The following CTNNA3 variants were observed in gnomAD, a reference collection of about 807,000 sequenced individuals.
CTNNA3 encodes catenin alpha-3.
CTNNA3 carries 76 observed loss-of-function variants against 95.7 expected under a neutral mutation model. That is an observed-to-expected ratio of 0.79 (90% CI 0.66 to 0.96). CTNNA3 has a LOEUF of 0.96. CTNNA3 is among the 40% of genes least tolerant of loss of function. The pLI, the probability that CTNNA3 is intolerant of heterozygous loss-of-function variation, is 0.00. For missense variants in CTNNA3, 1,191 were observed against 1,089.8 expected, an observed-to-expected ratio of 1.09 and a Z score of -1.31; for synonymous variants, 431 against 374.4, an observed-to-expected ratio of 1.15 and a Z score of -1.74.
chr10:65,987,287 A>G (rs1253914743), intron 16 of CTNNA3, among the ~76,000 whole-genome samples: 1 of 151,814 alleles, frequency 6.6e-6, no homozygotes, highest in East Asian at 1.9e-4. Context: ...ATATTTTCAT[A>G]CTATTTGACA....
intron 7 of CTNNA3, among the ~76,000 whole-genome samples, chr10:66,971,462 G>T (rs1589520132): frequency 1.3e-5 from 2 of 152,026 alleles, no homozygotes. Flanking sequence ...CATAAACAGT[G>T]TTAGAATAAG....
chr10:65,941,099 C>G (rs943445342), intron 17 of CTNNA3, among the ~76,000 whole-genome samples: 1 of 152,278 alleles, frequency 6.6e-6, no homozygotes, highest in South Asian at 2.1e-4. Flanking sequence ...AGTTCAAATG[C>G]ACAGTAAGCA....
chr10:67,151,924 T>C (rs144876104), intron 7 of CTNNA3, among the ~76,000 whole-genome samples: 2 of 152,352 alleles, frequency 1.3e-5, no homozygotes, highest in East Asian at 3.9e-4. Flanking sequence ...CCCTTTCTGT[T>C]GTTCCTTTCT....
chr10:66,911,314 G>T (rs1472763863), intron 7 of CTNNA3, among the ~76,000 whole-genome samples: 1 of 152,156 alleles, frequency 6.6e-6, no homozygotes, highest in Non-Finnish European at 1.5e-5. Context: ...CCCAATATTA[G>T]TAAGGATTAC....
intron 5 of CTNNA3, among the ~76,000 whole-genome samples, chr10:67,405,605 T>C (rs377682896): frequency 1.1e-4 from 16 of 152,250 alleles, no homozygotes; most frequent in African/African-American, 3.6e-4. Flanking sequence ...TGGGAGACTT[T>C]AAAACCCCAT....
In CTNNA3 at chr10:66,500,652, G is replaced by C. The variant is rs180832583; in HGVS notation, c.1531+19965C>G. Among the ~76,000 whole-genome samples the C allele has an allele frequency of 0.013, 1,965 of 152,178 alleles. 165 individuals carry two copies. In the East Asian group the frequency reaches 0.23, roughly 18 times the overall value. The stretch of plus-strand genomic sequence containing the variant: ...CAAGACAGTGAATGCATATTTGCAA[G>C]TAAATATTAAATCATGGCATGGGAA... On this transcript the variant is annotated intron_variant, in intron 11 of 17. Transcript: ENST00000433211.
intron 6 of CTNNA3, among the ~76,000 whole-genome samples, chr10:67,197,545 G>T (rs1043419111): frequency 1.3e-5 from 2 of 152,014 alleles, no homozygotes; most frequent in Non-Finnish European, 2.9e-5. Context: ...AATGATGAGT[G>T]TGAAAATGAC....
chr10:67,648,892 G>A, intron 1 of CTNNA3: 1 of 860,518 alleles, frequency 1.2e-6, no homozygotes, highest in Non-Finnish European at 1.6e-6. Flanking sequence ...TGCATTTCTA[G>A]AACTGAAATG....
intron 5 of CTNNA3, among the ~76,000 whole-genome samples, chr10:67,374,765 A>G (rs989976187): frequency 2.0e-5 from 3 of 152,210 alleles, no homozygotes; most frequent in Non-Finnish European, 4.4e-5. Context: ...AGAGGGCCTC[A>G]GGGAGAAGAA....
intron 16 of CTNNA3, among the ~76,000 whole-genome samples, chr10:65,972,816 G>A (rs1430679789): frequency 1.3e-5 from 2 of 149,902 alleles, no homozygotes; most frequent in South Asian, 2.1e-4. Flanking sequence ...AGCAACCAAC[G>A]TCATTTTTCA....
At chr10:66,296,084 A>T (rs2091773159) in intron 12 of CTNNA3, among the ~76,000 whole-genome samples, 1 of 152,112 alleles carries the variant, frequency 6.6e-6, no homozygotes, top group Non-Finnish European at 1.5e-5. Flanking sequence ...ATTTTTTTAC[A>T]CTTTCTATTT....
chr10:67,432,303 T>C (rs1169047681), intron 5 of CTNNA3, among the ~76,000 whole-genome samples: 1 of 152,072 alleles, frequency 6.6e-6, no homozygotes, highest in African/African-American at 2.4e-5. Context: ...CATATATGTT[T>C]CTGCTAAAAA....
chr10:67,402,954 T>A (rs1844980115), intron 5 of CTNNA3, among the ~76,000 whole-genome samples: 1 of 152,194 alleles, frequency 6.6e-6, no homozygotes, highest in East Asian at 1.9e-4. Context: ...GTGGGCCCCA[T>A]TTCCAAGGCA....
intron 1 of CTNNA3, among the ~76,000 whole-genome samples, chr10:67,662,753 G>A (rs940782827): frequency 6.6e-6 from 1 of 152,100 alleles, no homozygotes; most frequent in Non-Finnish European, 1.5e-5. Flanking sequence ...AGCATGTTGG[G>A]GATATTCTAT....
At chr10:66,965,259 CG>C (rs1371193103) in intron 7 of CTNNA3, among the ~76,000 whole-genome samples, 1 of 151,704 alleles carries the variant, frequency 6.6e-6, no homozygotes, top group East Asian at 1.9e-4. Context: ...TTTTTTGGCT[CG>C]GCATGGTGGC....
At chr10:66,103,370 TC>T (rs773716942) in intron 13 of CTNNA3, 121 bp from the exon 14 acceptor site, 1 of 718,724 alleles carries the variant, frequency 1.4e-6, no homozygotes, top group Non-Finnish European at 2.5e-6. Context: ...GCAATTTCAC[TC>T]CCAGTTATAT....
intron 10 of CTNNA3, among the ~76,000 whole-genome samples, chr10:66,543,576 T>C (rs1030310261): frequency 2.6e-5 from 4 of 152,044 alleles, no homozygotes; most frequent in Non-Finnish European, 4.4e-5. Flanking sequence ...CCAAATATTA[T>C]TCATCATGAT....
At position 66,512,436 on chromosome 10, in the gene CTNNA3, T is replaced by A. The variant is rs534973850; in HGVS notation, c.1531+8181A>T. On this transcript the variant is annotated intron_variant, in intron 11 of 17. Transcript: ENST00000433211. Reference sequence around the variant, plus strand: ...TTAGTTGTTTTGTAATTGCTCTGTATAGCCTTAGTTCCTTTCTTCTTTTAT... The same window carrying A: ...TTAGTTGTTTTGTAATTGCTCTGTAAAGCCTTAGTTCCTTTCTTCTTTTAT... Among the ~76,000 whole-genome samples, 58 of 152,214 alleles carry A rather than the reference T, an allele frequency of 3.8e-4. 1 individual carries two copies. In the South Asian group the frequency reaches 0.012, roughly 31 times the overall value.
intron 7 of CTNNA3, among the ~76,000 whole-genome samples, chr10:67,077,508 C>T (rs551338170): frequency 6.6e-6 from 1 of 152,138 alleles, no homozygotes; most frequent in Non-Finnish European, 1.5e-5. Flanking sequence ...CTGCCTGCCT[C>T]TCATCCTTTG....
Sources: allele counts gnomAD v4.1 joint callset (sites outside exome capture counted in the v4.1 genomes callset), GRCh38; gene constraint gnomAD v4.1.1; transcripts MANE v1.5; gene names NCBI Gene and HGNC (gene_info 2026-07-23, HGNC 2026-07-21).